Variants in KDM5A observed in about 807,000 individuals in gnomAD.
KDM5A encodes the protein lysine demethylase 5A, also known as lysine-specific demethylase 5A.
In KDM5A, 42 loss-of-function variants were observed where a neutral mutation model predicts 193.5. That is an observed-to-expected ratio of 0.22 (90% CI 0.17 to 0.28). The LOEUF is 0.28. KDM5A is among the 10% of genes least tolerant of loss of function. The pLI is 1.00. For synonymous variants in KDM5A, 796 were observed against 718.1 expected (o/e 1.11, Z -1.73); for missense variants, 1,692 against 2,055.1 (o/e 0.82, Z 3.42).
intron 19 of KDM5A, among the ~76,000 whole-genome samples, chr12:317,096 A>C (rs1943659141): frequency 6.6e-6 from 1 of 152,176 alleles, no homozygotes; most frequent in Admixed American, 6.5e-5. Context: ...GTCAGATATA[A>C]ACACTTTATT....
At position 282,016 on chromosome 12, in the gene KDM5A, A is replaced by G; in HGVS notation, c.*3440T>C. ...AAGCGCAGAAGCAAAGCCCAGGCAG[A>G]ACCATGCTAACCTTACAGCTCAGCC... On this transcript the variant is annotated 3_prime_UTR_variant, in exon 28 of 28. Coordinates refer to ENST00000399788, the MANE Select transcript of KDM5A (RefSeq NM_001042603.3). 1 of 303,038 alleles carries G rather than the reference A, an allele frequency of 3.3e-6. No individual in the cohort carries two copies. Among genetic ancestry groups the G allele is most frequent in the South Asian group, 3.7e-5 (1 of 26,948 alleles). 18.8% of individuals were successfully genotyped at this position (303,038 alleles called of 1,614,324 possible). A position where few individuals can be genotyped will look rare whatever the true frequency, so the allele number is the denominator to read the frequency against.
chr12:358,018 T>A (rs1450238980), intron 5 of KDM5A, among the ~76,000 whole-genome samples: 1 of 151,912 alleles, frequency 6.6e-6, no homozygotes, highest in Non-Finnish European at 1.5e-5. Flanking sequence ...CCTTCACCAA[T>A]CCTAGAGCTA....
intron 3 of KDM5A, among the ~76,000 whole-genome samples, chr12:381,439 T>C (rs955411725): frequency 6.6e-6 from 1 of 152,174 alleles, no homozygotes; most frequent in Non-Finnish European, 1.5e-5. Flanking sequence ...TTGTATTTTA[T>C]TCATACTACA....
At chr12:304,446 CTTT>C (rs67930424) in intron 24 of KDM5A, among the ~76,000 whole-genome samples, 21,310 of 112,360 alleles carry the variant, frequency 0.19, 1,577 homozygotes, top group Non-Finnish European at 0.23. Flanking sequence ...AGAGTATAGG[CTTT>C]TTTTTTTTTT....
At position 280,931 on chromosome 12, in the gene KDM5A, T is replaced by C. The variant is rs1190901911; in HGVS notation, c.*4525A>G. On this transcript the variant is annotated 3_prime_UTR_variant, in exon 28 of 28. Coordinates refer to ENST00000399788, the MANE Select transcript of KDM5A (RefSeq NM_001042603.3). ...TTATTTTATAGTTAGCAAATGAAAT[T>C]AGAAACTGCTTTGGCACAGGTCAAA... 2 of 232,938 alleles carry C rather than the reference T, an allele frequency of 8.6e-6. No homozygotes were observed. The highest frequency in any genetic ancestry group is 4.4e-5 in the African/African-American group (2 of 45,356). 14.4% of individuals were successfully genotyped at this position (232,938 alleles called of 1,614,324 possible).
chr12:366,147 C>A, intron 3 of KDM5A, 43 bp from the exon 4 acceptor site: 1 of 1,562,540 alleles, frequency 6.4e-7, no homozygotes, highest in Non-Finnish European at 8.8e-7. Context: ...AAGGCAAATT[C>A]AAGCATCTTG....
At position 318,336 on chromosome 12, in the gene KDM5A, A is replaced by C. The variant is rs1357316064; in HGVS notation, c.2667T>G (p.Pro889=). The C allele has an allele frequency of 6.2e-7, 1 of 1,614,164 alleles. No individual in the cohort carries two copies. The highest frequency in any genetic ancestry group is 1.1e-5 in the South Asian group (1 of 91,080). ...GCTCTTGCTTCAGTCGTGGTAATTC[A>C]GGGAGTTCCACATAGAGACTAGAGC... ...DMGSSLYVEL[P]ELPRLKQELQ... is the part of the protein sequence containing the mutation. Residue 889 remains proline, a synonymous_variant, in exon 19 of 28, where the codon CCT becomes CCG. Coordinates refer to ENST00000399788, the MANE Select transcript of KDM5A (RefSeq NM_001042603.3).
chr12:318,004 A>AC (rs1434559718), intron 19 of KDM5A, 102 bp downstream of exon 19: 5 of 931,260 alleles, frequency 5.4e-6, no homozygotes, highest in Non-Finnish European at 8.6e-6. Context: ...AAACGCAAAA[A>AC]AAAAAAAAGT....
chr12:318,054 C>A (rs970813013), intron 19 of KDM5A, 52 bp downstream of exon 19: 3 of 1,336,798 alleles, frequency 2.2e-6, no homozygotes, highest in Non-Finnish European at 3.2e-6. Context: ...TCTTCCCACT[C>A]TACCTTCTGA....
At chr12:304,062 G>C (rs995286813) in intron 24 of KDM5A, among the ~76,000 whole-genome samples, 1 of 152,164 alleles carries the variant, frequency 6.6e-6, no homozygotes, top group Non-Finnish European at 1.5e-5. Context: ...GCAATGTTAA[G>C]TGAGCTCTGA....
At chr12:373,367 A>G (rs1341468601) in intron 3 of KDM5A, among the ~76,000 whole-genome samples, 1 of 151,966 alleles carries the variant, frequency 6.6e-6, no homozygotes, top group East Asian at 1.9e-4. Context: ...TAGATTTTCT[A>G]GTTTATTTGC....
chr12:280,058 A>C lies in KDM5A; in HGVS notation c.*5398T>G. 2 of 212,250 alleles carry C rather than the reference A, an allele frequency of 9.4e-6. No individual in the cohort carries two copies. The highest frequency in any genetic ancestry group is 2.3e-5 in the African/African-American group (1 of 44,404). The allele number at this position is 212,250 out of a possible 1,614,324, so 13.1% of individuals were successfully genotyped here. On this transcript the variant is annotated 3_prime_UTR_variant, in exon 28 of 28. Coordinates refer to ENST00000399788, the MANE Select transcript of KDM5A (RefSeq NM_001042603.3). The stretch of plus-strand genomic sequence containing the variant: ...AAAGAAATTTCATGGAACTTTAAGG[A>C]AATATTAAATCAAGTCTTTCTTCCT...
chr12:306,242 T>A (rs1391725337), intron 24 of KDM5A, among the ~76,000 whole-genome samples: 1 of 151,948 alleles, frequency 6.6e-6, no homozygotes, highest in Non-Finnish European at 1.5e-5. Flanking sequence ...CCTAAATTGT[T>A]AGGTTTACAG....
At chr12:368,945 TGGA>T (rs1028696141) in intron 3 of KDM5A, among the ~76,000 whole-genome samples, 3 of 152,136 alleles carry the variant, frequency 2.0e-5, no homozygotes, top group Non-Finnish European at 4.4e-5. Flanking sequence ...TGTGGACAAA[TGGA>T]GGAGAGGGTA....
At position 349,989 on chromosome 12, in the gene KDM5A, G is replaced by A. The variant is rs573019565; in HGVS notation, c.1308+632C>T. 9.9e-5 allele frequency among the ~76,000 whole-genome samples: 15 copies of A among 151,904 alleles called. No homozygotes were observed. In the South Asian group the frequency reaches 2.3e-3, roughly 23 times the overall value. On this transcript the variant is annotated intron_variant, in intron 10 of 27. Transcript: ENST00000399788. ...ACTAAAAATACAAAATTAGCTGGGC[G>A]TGGTGGTGCATGCCTGTAATCCCAG...
At position 354,026 on chromosome 12, in the gene KDM5A, T is replaced by C. The variant is rs767957786; in HGVS notation, c.1029+50A>G. ...ATGTTTATATGTAGGTGTATATGCA[T>C]GTATTATTATTTTTAGTTAAAAAAG... On this transcript the variant is annotated intron_variant, in intron 8 of 27. Transcript: ENST00000399788. 3.7e-6 allele frequency: 5 copies of C among 1,356,754 alleles called. No homozygotes were observed. The Admixed American group carries it at 5.0e-5, about 14-fold the overall frequency. The allele number at this position is 1,356,754 out of a possible 1,614,324, so 84.0% of individuals were successfully genotyped here.
intron 27 of KDM5A, among the ~76,000 whole-genome samples, chr12:287,104 T>C (rs1172708978): frequency 6.6e-6 from 1 of 152,190 alleles, no homozygotes; most frequent in Non-Finnish European, 1.5e-5. Context: ...CATGGTCTCA[T>C]GGCTCTACTC....
At chr12:376,181 G>C (rs1480590706) in intron 3 of KDM5A, among the ~76,000 whole-genome samples, 1 of 152,218 alleles carries the variant, frequency 6.6e-6, no homozygotes, top group East Asian at 1.9e-4. Context: ...CCCAGAGGTG[G>C]AGTCTACAGA....
intron 11 of KDM5A, 122 bp from the exon 12 acceptor site, chr12:333,771 G>T: frequency 1.1e-6 from 1 of 928,250 alleles, no homozygotes; most frequent in Non-Finnish European, 1.7e-6. Flanking sequence ...TATATGCCCT[G>T]AATTCTGGCA....
Sources: allele counts gnomAD v4.1 joint callset (sites outside exome capture counted in the v4.1 genomes callset), GRCh38; gene constraint gnomAD v4.1.1; transcripts MANE v1.5; gene names NCBI Gene and HGNC (gene_info 2026-07-23, HGNC 2026-07-21).